The following VIT variants were observed in gnomAD, a reference collection of about 807,000 sequenced individuals.
VIT encodes the protein vitrin.
In VIT, 99 loss-of-function variants were observed where a neutral mutation model predicts 78.0. The observed-to-expected ratio is 1.27, with a 90% CI of 1.08 to 1.50. The LOEUF (loss-of-function observed/expected upper bound fraction) is 1.50. Ranked by LOEUF, VIT falls within the 40% of genes most tolerant of loss-of-function variation. The probability of loss-of-function intolerance (pLI) is 0.00; values close to 1 mark genes in which losing one functional copy is unlikely to be tolerated. For synonymous variants in VIT, 374 were observed against 334.3 expected (o/e 1.12, Z -1.29); for missense variants, 1,126 against 875.3 (o/e 1.29, Z -3.61).
chr2:36,814,724 T>C lies in VIT; in HGVS notation c.*363T>C, dbSNP rs1351824396. On this transcript the variant is annotated 3_prime_UTR_variant, in exon 16 of 16. Coordinates refer to ENST00000379242, the MANE Select transcript of VIT (RefSeq NM_053276.4). ...ATTTCTGATTAGAACTCTGTAACCC[T>C]CAGCAAGTTTCATTTTTGTCATGAC... The C allele has an allele frequency of 5.8e-6, 1 of 171,142 alleles. No homozygotes were observed. Among genetic ancestry groups the C allele is most frequent in the African/African-American group, 2.4e-5 (1 of 42,286 alleles). The allele number at this position is 171,142 out of a possible 1,614,324, so 10.6% of individuals were successfully genotyped here.
chr2:36,802,496 A>G (rs371342963), intron 13 of VIT, among the ~76,000 whole-genome samples: 25 of 152,368 alleles, frequency 1.6e-4, no homozygotes, highest in African/African-American at 5.0e-4. Context: ...GTATGTCTCT[A>G]TAGTGACCAG....
At chr2:36,713,829 G>C (rs747826859) in intron 1 of VIT, among the ~76,000 whole-genome samples, 7 of 152,218 alleles carry the variant, frequency 4.6e-5, no homozygotes. Flanking sequence ...GGGCTGCACA[G>C]GTGGGTCCGA....
At position 36,814,203 on chromosome 2, in the gene VIT, G is replaced by A. The variant is rs1667398474; in HGVS notation, c.1924G>A (p.Gly642Ser). The A allele has an allele frequency of 1.2e-6, 2 of 1,614,232 alleles. No individual in the cohort carries two copies. Among genetic ancestry groups the A allele is most frequent in the Non-Finnish European group, 1.7e-6 (2 of 1,180,034 alleles). The change falls in exon 16 of 16, where the codon GGC (glycine) becomes AGC (serine). Residue 642 changes from glycine (G) to serine (S), a missense_variant. By Grantham distance (56) the Gly-to-Ser change is moderately conservative (BLOSUM62 0). Transcript: ENST00000379242. ...HLKGVITYAI[G>S]VAWAAQEELE... ...CACAGGAGTGATCACCTATGCGATA[G>A]GCGTTGCCTGGGCTGCCCAAGAGGA...
chr2:36,801,294 T>C lies in VIT; in HGVS notation c.1059-7T>C. The C allele has an allele frequency of 3.1e-6, 5 of 1,611,968 alleles. No individual in the cohort carries two copies. Among genetic ancestry groups the C allele is most frequent in the South Asian group, 1.1e-5 (1 of 90,988 alleles). On this transcript the variant is annotated splice_polypyrimidine_tract_variant and splice_region_variant and intron_variant, in intron 12 of 15. Coordinates refer to ENST00000379242, the MANE Select transcript of VIT (RefSeq NM_053276.4). Reference sequence around the variant, plus strand: ...GCTAATTTGTATTTCTTGTTCTGACTCTTCAGAGACAACCCTGCTACTCAC... The same window carrying C: ...GCTAATTTGTATTTCTTGTTCTGACCCTTCAGAGACAACCCTGCTACTCAC...
At chr2:36,793,632 A>G (rs963221072) in intron 12 of VIT, among the ~76,000 whole-genome samples, 5 of 152,240 alleles carry the variant, frequency 3.3e-5, no homozygotes, top group African/African-American at 9.6e-5. Flanking sequence ...AAGTCCATAA[A>G]GCATCACATA....
At chr2:36,777,905 G>A (rs957619328) in intron 9 of VIT, among the ~76,000 whole-genome samples, 5 of 152,020 alleles carry the variant, frequency 3.3e-5, no homozygotes, top group Non-Finnish European at 5.9e-5. Flanking sequence ...CCTGCGATCC[G>A]CACTAAACAC....
At chr2:36,737,353 G>A (rs186702604) in intron 3 of VIT, among the ~76,000 whole-genome samples, 2 of 152,258 alleles carry the variant, frequency 1.3e-5, no homozygotes, top group East Asian at 1.9e-4. Context: ...AATCTGAGAA[G>A]CTTTTTTTCT....
chr2:36,751,810 G>A (rs927806607), intron 4 of VIT, among the ~76,000 whole-genome samples: 33 of 152,094 alleles, frequency 2.2e-4, no homozygotes, highest in African/African-American at 7.7e-4. Context: ...CTGATATAGT[G>A]GAAAATCTAT....
Position 36,699,844 on chromosome 2 carries a change from G to A in VIT, c.-19+2871G>A, listed in dbSNP as rs900124255. ...TCAAGGCAAAAATGGACCTTCCTGT[G>A]CTATGGGTCATGTGGGTGTTAGGCG... On this transcript the variant is annotated intron_variant, in intron 1 of 15. Coordinates refer to ENST00000379242, the MANE Select transcript of VIT (RefSeq NM_053276.4). Among the ~76,000 whole-genome samples the A allele has an allele frequency of 3.5e-5, 5 of 143,802 alleles. 1 individual carries two copies. The Admixed American group carries it at 3.7e-4, about 11-fold the overall frequency. The allele number at this position is 143,802 out of a possible 152,430, so 94.3% of individuals were successfully genotyped here. A position where few individuals can be genotyped will look rare whatever the true frequency, so the allele number is the denominator to read the frequency against.
intron 1 of VIT, 86 bp from the exon 2 acceptor site, chr2:36,716,267 G>A (rs944105915): frequency 6.5e-6 from 7 of 1,071,222 alleles, no homozygotes; most frequent in Non-Finnish European, 9.9e-6. Context: ...AATGCAAAAT[G>A]ATGCAGTCTA....
chr2:36,714,997 C>A (rs1334890992), intron 1 of VIT, among the ~76,000 whole-genome samples: 1 of 152,208 alleles, frequency 6.6e-6, no homozygotes, highest in Non-Finnish European at 1.5e-5. Flanking sequence ...ACATCTGGGT[C>A]TCTGTTGGCA....
At chr2:36,746,530 G>A (rs1668146589) in intron 4 of VIT, among the ~76,000 whole-genome samples, 1 of 152,022 alleles carries the variant, frequency 6.6e-6, no homozygotes, top group African/African-American at 2.4e-5. Context: ...AATCTTGGGA[G>A]GTTGTGTGTT....
intron 5 of VIT, among the ~76,000 whole-genome samples, chr2:36,757,337 G>A (rs537152595): frequency 4.6e-5 from 7 of 152,172 alleles, no homozygotes; most frequent in East Asian, 1.9e-4. Flanking sequence ...TTTACGGCCC[G>A]CATGATCTTT....
intron 6 of VIT, among the ~76,000 whole-genome samples, chr2:36,763,406 A>T (rs1029831731): frequency 7.9e-5 from 12 of 152,184 alleles, no homozygotes; most frequent in Admixed American, 6.5e-4. Context: ...TTGAAAAAAG[A>T]TCAAAACTTT....
At chr2:36,786,989 T>C in intron 11 of VIT, 140 bp from the exon 12 acceptor site, 1 of 1,053,676 alleles carries the variant, frequency 9.5e-7, no homozygotes, top group South Asian at 1.6e-5. Context: ...TGTAAATAAA[T>C]ATACCCTGCA....
At chr2:36,777,407 T>A (rs1185996961) in intron 9 of VIT, among the ~76,000 whole-genome samples, 1 of 152,088 alleles carries the variant, frequency 6.6e-6, no homozygotes, top group African/African-American at 2.4e-5. Flanking sequence ...AGGTCTTTGC[T>A]GGACTTGGCA....
At chr2:36,745,502 C>T (rs1408477435) in intron 4 of VIT, among the ~76,000 whole-genome samples, 1 of 152,046 alleles carries the variant, frequency 6.6e-6, no homozygotes, top group African/African-American at 2.4e-5. Context: ...GAGTGTTTTA[C>T]AATTCTCCTT....
intron 3 of VIT, among the ~76,000 whole-genome samples, chr2:36,737,428 A>G (rs1172358449): frequency 6.6e-6 from 1 of 152,234 alleles, no homozygotes; most frequent in Non-Finnish European, 1.5e-5. Flanking sequence ...CATGAGGAAG[A>G]CAACAATCAG....
At chr2:36,723,730 C>G (rs1375520542) in intron 2 of VIT, among the ~76,000 whole-genome samples, 1 of 151,950 alleles carries the variant, frequency 6.6e-6, no homozygotes, top group Non-Finnish European at 1.5e-5. Context: ...TTCAACATTT[C>G]AGGCACTACT....
Sources: allele counts gnomAD v4.1 joint callset (sites outside exome capture counted in the v4.1 genomes callset), GRCh38; gene constraint gnomAD v4.1.1; transcripts MANE v1.5; gene names NCBI Gene and HGNC (gene_info 2026-07-23, HGNC 2026-07-21).